PPFIA2: variants seen among roughly 807,000 people sequenced by gnomAD.
PPFIA2 encodes PPFI scaffold protein A2.
PPFIA2 carries 46 observed loss-of-function variants against 175.5 expected under a neutral mutation model. That is an observed-to-expected ratio of 0.26 (90% CI 0.21 to 0.34). PPFIA2 has a LOEUF of 0.34. Among genes scored for constraint, PPFIA2 ranks in the 10% least tolerant of loss-of-function variants. The pLI is 1.00. For missense variants in PPFIA2, 1,179 were observed against 1,506.1 expected (o/e 0.78, Z 3.60); for synonymous variants, 568 against 511.4 (o/e 1.11, Z -1.49).
chr12:81,673,007 T>C (rs1220942504), intron 4 of PPFIA2, among the ~76,000 whole-genome samples: 1 of 152,078 alleles, frequency 6.6e-6, no homozygotes, highest in Non-Finnish European at 1.5e-5. Context: ...CCTTTCATTG[T>C]GTATATACAG....
At chr12:81,364,640 T>C (rs1292834596) in intron 14 of PPFIA2, among the ~76,000 whole-genome samples, 1 of 151,846 alleles carries the variant, frequency 6.6e-6, no homozygotes, top group Non-Finnish European at 1.5e-5. Flanking sequence ...ATCATTCTAA[T>C]GGCTGTGAAA....
chr12:81,758,554 C>A, intron 1 of PPFIA2, 47 bp from the exon 2 acceptor site: 2 of 395,044 alleles, frequency 5.1e-6, no homozygotes, highest in South Asian at 1.8e-5. Flanking sequence ...CGTGCCCCGG[C>A]GCCCTCCCGG....
intron 21 of PPFIA2, among the ~76,000 whole-genome samples, chr12:81,327,427 G>A (rs945796825): frequency 2.6e-4 from 39 of 152,042 alleles, no homozygotes; most frequent in Non-Finnish European, 5.4e-4. Flanking sequence ...TGTACAGTGA[G>A]TGCATATTTT....
At chr12:81,456,729 T>C (rs1414653828) in intron 5 of PPFIA2, among the ~76,000 whole-genome samples, 1 of 152,186 alleles carries the variant, frequency 6.6e-6, no homozygotes, top group Non-Finnish European at 1.5e-5. Flanking sequence ...TTTACATGTT[T>C]ATAAAATTTA....
intron 4 of PPFIA2, among the ~76,000 whole-genome samples, chr12:81,522,389 G>A (rs2153242528): frequency 6.6e-6 from 1 of 151,968 alleles, no homozygotes; most frequent in African/African-American, 2.4e-5. Context: ...AGAAAAATAT[G>A]ATATATTAAA....
intron 28 of PPFIA2, among the ~76,000 whole-genome samples, chr12:81,270,161 A>G (rs1007759612): frequency 6.6e-6 from 1 of 152,274 alleles, no homozygotes; most frequent in African/African-American, 2.4e-5. Context: ...ATAAATAACA[A>G]GGAATAGAAT....
chr12:81,316,757 T>C (rs1156331819), intron 22 of PPFIA2, among the ~76,000 whole-genome samples: 1 of 151,592 alleles, frequency 6.6e-6, no homozygotes, highest in East Asian at 1.9e-4. Flanking sequence ...TATGCTACCC[T>C]TTCCAGAGTA....
intron 8 of PPFIA2, among the ~76,000 whole-genome samples, chr12:81,391,258 A>C (rs2040054714): frequency 6.6e-6 from 1 of 151,904 alleles, no homozygotes; most frequent in South Asian, 2.1e-4. Context: ...CAAGTAAAGG[A>C]AAGGAGGGGA....
At position 81,753,937 on chromosome 12, in the gene PPFIA2, T is replaced by C. The variant is rs753211211; in HGVS notation, c.249+36A>G. 5 of 1,604,112 alleles carry C rather than the reference T, an allele frequency of 3.1e-6. No individual in the cohort carries two copies. In the South Asian group the frequency reaches 4.4e-5, roughly 14 times the overall value. On this transcript the variant is annotated intron_variant, in intron 3 of 32. Coordinates refer to ENST00000549396, the MANE Select transcript of PPFIA2 (RefSeq NM_003625.5). The stretch of plus-strand genomic sequence containing the variant: ...AAGTGAATCTTAACAAATGTTCAAT[T>C]ACAATAGGAGAAACAAAGGCTACCA...
intron 4 of PPFIA2, among the ~76,000 whole-genome samples, chr12:81,575,981 C>A (rs576302416): frequency 1.3e-5 from 2 of 151,712 alleles, no homozygotes; most frequent in African/African-American, 4.8e-5. Flanking sequence ...GGTTTGCATT[C>A]CAGTTAGCAA....
At chr12:81,656,154 T>C (rs980850176) in intron 4 of PPFIA2, among the ~76,000 whole-genome samples, 1 of 152,058 alleles carries the variant, frequency 6.6e-6, no homozygotes, top group Non-Finnish European at 1.5e-5. Flanking sequence ...TTCTCTCTTA[T>C]CTGTTATTGT....
In PPFIA2 at chr12:81,727,688, T is replaced by TA. The variant is rs1283737489; in HGVS notation, c.249+26284dup. On this transcript the variant is annotated intron_variant, in intron 3 of 32. Transcript: ENST00000549396. ...TTATAAAAAAACAAGTTCTCCTTTT[T>TA]ACTAGATGTTCTTTTTCATAGATCT... Among the ~76,000 whole-genome samples, 7 of 151,418 alleles carry TA rather than the reference T, an allele frequency of 4.6e-5. No individual in the cohort carries two copies. In the East Asian group the frequency reaches 1.2e-3, roughly 25 times the overall value.
intron 3 of PPFIA2, among the ~76,000 whole-genome samples, chr12:81,714,725 T>C (rs2078373895): frequency 1.3e-5 from 2 of 151,108 alleles, no homozygotes; most frequent in South Asian, 4.1e-4. Context: ...CAATATCCCA[T>C]AATATGTTTT....
In PPFIA2 at chr12:81,676,860, G is replaced by T. The variant is rs1244888979; in HGVS notation, c.250-16C>A. 4 of 1,571,360 alleles carry T rather than the reference G, an allele frequency of 2.5e-6. No individual in the cohort carries two copies. Among genetic ancestry groups the T allele is most frequent in the Non-Finnish European group, 3.5e-6 (4 of 1,159,038 alleles). ...ATTCGATATCCTGAAAAGGGGAGAG[G>T]TGTTGATTGTAAAGTGCTACTCAAC... On this transcript the variant is annotated splice_polypyrimidine_tract_variant and intron_variant, in intron 3 of 32. Transcript: ENST00000549396.
At chr12:81,411,724 T>C (rs1236243145) in intron 7 of PPFIA2, among the ~76,000 whole-genome samples, 3 of 152,034 alleles carry the variant, frequency 2.0e-5, no homozygotes, top group East Asian at 1.9e-4. Flanking sequence ...ACTGATGACA[T>C]ACCAGGCGTT....
At chr12:81,508,643 T>C (rs1457622706) in intron 4 of PPFIA2, among the ~76,000 whole-genome samples, 2 of 151,904 alleles carry the variant, frequency 1.3e-5, no homozygotes, top group Non-Finnish European at 2.9e-5. Context: ...CTTTAAGTTT[T>C]AGGGTACATG....
At chr12:81,404,504 A>G (rs1044230965) in intron 8 of PPFIA2, among the ~76,000 whole-genome samples, 3 of 152,220 alleles carry the variant, frequency 2.0e-5, no homozygotes, top group Non-Finnish European at 2.9e-5. Context: ...TGGTGTATCT[A>G]CTGAAGCAGT....
chr12:81,715,275 CT>C (rs142311301), intron 3 of PPFIA2, among the ~76,000 whole-genome samples: 2,082 of 151,804 alleles, frequency 0.014, 31 homozygotes, highest in South Asian at 0.042. Flanking sequence ...TCATTCACTT[CT>C]TTTCCCATTT....
chr12:81,462,570 G>GTATATATA (rs1254816940), intron 4 of PPFIA2, among the ~76,000 whole-genome samples: 7 of 74,172 alleles, frequency 9.4e-5, no homozygotes, highest in African/African-American at 3.8e-4. Context: ...ATATATATGT[G>GTATATATA]TATATATATA....
Sources: gnomAD v4.1 joint callset for allele counts (sites outside exome capture counted in the v4.1 genomes callset) on GRCh38, gnomAD v4.1.1 for gene constraint, MANE v1.5 for transcripts, NCBI Gene and HGNC (gene_info 2026-07-23, HGNC 2026-07-21) for gene names.